ARHGAP19: variants seen among roughly 807,000 people sequenced by gnomAD.
ARHGAP19 encodes the protein Rho GTPase activating protein 19.
Under a neutral mutation model 60.9 loss-of-function variants are expected in ARHGAP19, and 48 were observed. The observed-to-expected ratio is 0.79, with a 90% CI of 0.62 to 1.00. The LOEUF (loss-of-function observed/expected upper bound fraction) is 1.00, where lower values mean the gene tolerates loss of function less well. Among genes scored for constraint, ARHGAP19 ranks in the 50% least tolerant of loss-of-function variants. ARHGAP19 has a pLI of 0.00. For synonymous variants in ARHGAP19, 209 were observed against 215.5 expected (o/e 0.97, Z 0.27); for missense variants, 562 against 597.2 (o/e 0.94, Z 0.61).
intron 1 of ARHGAP19, among the ~76,000 whole-genome samples, chr10:97,283,651 A>G (rs543417428): frequency 3.9e-5 from 6 of 152,158 alleles, no homozygotes; most frequent in African/African-American, 1.4e-4. Flanking sequence ...ACCAAGATAG[A>G]AATCAGATCT....
rs572526707 is a variant in ARHGAP19 at position 97,290,514 on chromosome 10, A to G, written c.56+2058T>C. 9.9e-5 allele frequency among the ~76,000 whole-genome samples: 15 copies of G among 152,244 alleles called. No individual in the cohort carries two copies. In the East Asian group the frequency reaches 2.7e-3, roughly 27 times the overall value. On this transcript the variant is annotated intron_variant, in intron 1 of 11. Coordinates refer to ENST00000358531, the MANE Select transcript of ARHGAP19 (RefSeq NM_032900.6). ...CATGGCCCAAGATTCCATTCCTTGGAATCGGTGAGGCTGAGAACCCCAGGT... is the reference window on the plus strand; with the variant it reads ...CATGGCCCAAGATTCCATTCCTTGGGATCGGTGAGGCTGAGAACCCCAGGT...
At chr10:97,233,959 G>C (rs935479763) in intron 9 of ARHGAP19, among the ~76,000 whole-genome samples, 4 of 147,978 alleles carry the variant, frequency 2.7e-5, no homozygotes, top group African/African-American at 9.9e-5. Context: ...GGAGTGGGGG[G>C]AAGGAGAGTA....
At chr10:97,229,735 G>C in intron 10 of ARHGAP19, 29 bp downstream of exon 10, 1 of 1,476,106 alleles carries the variant, frequency 6.8e-7, no homozygotes, top group South Asian at 1.2e-5. Context: ...TATACAGACA[G>C]ACAGACAGTC....
chr10:97,239,553 TGTGTGTG>T (rs1564713524), intron 8 of ARHGAP19, among the ~76,000 whole-genome samples: 97 of 10,298 alleles, frequency 9.4e-3, no homozygotes, highest in African/African-American at 0.012. Context: ...AGAGAGAGGG[TGTGTGTG>T]TGTGTGTGTG....
intron 10 of ARHGAP19, 129 bp from the exon 11 acceptor site, chr10:97,229,354 C>T (rs1850960584): frequency 7.8e-6 from 6 of 768,212 alleles, no homozygotes; most frequent in Non-Finnish European, 1.3e-5. Context: ...GTATTTATAT[C>T]TCATTAATCT....
In ARHGAP19 at chr10:97,259,603, T is replaced by C. The variant is rs144693656; in HGVS notation, c.639A>G (p.Gly213=). ...IADLMQFDDK[G]NKTNIPDKDR... is the part of the protein sequence containing the mutation. ...CCTTGTCTGGTATATTGGTCTTGTTTCCTTTATCATCAAACTGCATCAAAT... is the reference window on the plus strand; with the variant it reads ...CCTTGTCTGGTATATTGGTCTTGTTCCCTTTATCATCAAACTGCATCAAAT... Residue 213 remains glycine, a synonymous_variant, in exon 5 of 12, where the codon GGA becomes GGG. Coordinates refer to ENST00000358531, the MANE Select transcript of ARHGAP19 (RefSeq NM_032900.6). The C allele has an allele frequency of 3.3e-5, 54 of 1,614,148 alleles. No individual in the cohort carries two copies. In the African/African-American group the frequency reaches 5.2e-4, roughly 16 times the overall value.
chr10:97,265,942 C>T lies in ARHGAP19; in HGVS notation c.240G>A (p.Met80Ile). The change falls in exon 2 of 12, where the codon ATG becomes ATA. Residue 80 changes from methionine (M) to isoleucine (I), a missense_variant. Physicochemically the swap from Met to Ile is conservative, Grantham distance 10. Transcript: ENST00000358531. ...CAGGCAACTTAAGGTCCACTTCCCC[C>T]ATCAGCTGAGCCAACTCAGTTCCAG... Reference protein sequence around the residue: ...DLPGTELAQLMGEVDLKLPGG... With the variant: ...DLPGTELAQLIGEVDLKLPGG... The T allele has an allele frequency of 6.2e-7, 1 of 1,614,162 alleles. No individual in the cohort carries two copies. The highest frequency in any genetic ancestry group is 8.5e-7 in the Non-Finnish European group (1 of 1,180,028).
At chr10:97,279,295 C>G (rs1843055084) in intron 1 of ARHGAP19, among the ~76,000 whole-genome samples, 2 of 152,048 alleles carry the variant, frequency 1.3e-5, no homozygotes, top group Admixed American at 6.6e-5. Context: ...GGAACGATAT[C>G]CAATTTCTTA....
chr10:97,283,168 C>G (rs546319086), intron 1 of ARHGAP19, among the ~76,000 whole-genome samples: 42 of 152,202 alleles, frequency 2.8e-4, no homozygotes, highest in Admixed American at 2.2e-3. Context: ...TATGGCCTAG[C>G]TGAATTTAGT....
chr10:97,233,353 A>AAAATAAAT (rs34652151), intron 9 of ARHGAP19, among the ~76,000 whole-genome samples: 20 of 150,328 alleles, frequency 1.3e-4, no homozygotes, highest in East Asian at 3.9e-4. Flanking sequence ...CCCTGTCTCA[A>AAAATAAAT]AAATAAATAA....
chr10:97,226,552 A>G (rs1202254491), intron 11 of ARHGAP19, among the ~76,000 whole-genome samples: 1 of 152,124 alleles, frequency 6.6e-6, no homozygotes. Context: ...TCATGCTCCT[A>G]CCACCACCGC....
chr10:97,246,189 A>T, intron 7 of ARHGAP19, 83 bp downstream of exon 7: 1 of 1,131,974 alleles, frequency 8.8e-7, no homozygotes, highest in Non-Finnish European at 1.3e-6. Flanking sequence ...CCATGCTTTT[A>T]CTTTGACTTC....
chr10:97,235,434 G>T (rs1851112962), intron 8 of ARHGAP19, 119 bp from the exon 9 acceptor site: 1 of 797,640 alleles, frequency 1.3e-6, no homozygotes, highest in Non-Finnish European at 1.9e-6. Flanking sequence ...GCGCATAGAT[G>T]GATTAGGAGG....
rs1842528823 is a variant in ARHGAP19 at position 97,244,113 on chromosome 10, AG to A, written c.1039del (p.Leu347TrpfsTer10). On this transcript the variant is annotated frameshift_variant, in exon 8 of 12. Transcript: ENST00000358531. LOFTEE classifies it high-confidence loss of function. ...IASCHTKSFQ[L>X]AKSQKRNRVD... is the part of the protein sequence containing the mutation. ...CCGGTTCCGTTTCTGAGACTTTGCC[AG>A]CTGAAAGGACTTAGTATGACATGAA... The A allele has an allele frequency of 1.9e-6, 3 of 1,614,082 alleles. No individual in the cohort carries two copies. The East Asian group carries it at 6.7e-5, about 36-fold the overall frequency.
chr10:97,264,288 C>A (rs572774910), intron 3 of ARHGAP19, among the ~76,000 whole-genome samples: 2 of 152,094 alleles, frequency 1.3e-5, no homozygotes, highest in Non-Finnish European at 2.9e-5. Context: ...CCCATCTCTA[C>A]AAAAAACTAC....
In ARHGAP19 at chr10:97,229,269, A is replaced by C. The variant is rs201909455; in HGVS notation, c.1396-44T>G. 2.0e-4 allele frequency: 285 copies of C among 1,442,508 alleles called. No homozygotes were observed. The African/African-American group carries it at 3.4e-3, about 17-fold the overall frequency. 89.4% of individuals were successfully genotyped at this position (1,442,508 alleles called of 1,614,324 possible). A position where few individuals can be genotyped will look rare whatever the true frequency, so the allele number is the denominator to read the frequency against. ...ACAGTGGTTTCAATGTTCTAATGCC[A>C]TTCCTATAGACAGACTTTACTAACA... On this transcript the variant is annotated intron_variant, in intron 10 of 11. Coordinates refer to ENST00000358531, the MANE Select transcript of ARHGAP19 (RefSeq NM_032900.6).
intron 1 of ARHGAP19, among the ~76,000 whole-genome samples, chr10:97,278,474 G>A (rs992289540): frequency 3.3e-5 from 5 of 152,122 alleles, no homozygotes; most frequent in African/African-American, 1.2e-4. Context: ...TTTAAAGCCT[G>A]AAAGCTGCAT....
Position 97,292,588 on chromosome 10 carries a change from G to T in ARHGAP19, c.40C>A (p.Arg14Ser), listed in dbSNP as rs1012364872. 3.1e-6 allele frequency: 5 copies of T among 1,614,026 alleles called. No individual in the cohort carries two copies. The highest frequency in any genetic ancestry group is 4.2e-6 in the Non-Finnish European group (5 of 1,180,034). Reference protein sequence around the residue: ...EAQSEGEVPARESGRSDAICS... With the variant: ...EAQSEGEVPASESGRSDAICS... ...TCAGCTCACCTCCGGCCGGATTCGC[G>T]GGCTGGCACCTCCCCTTCACTCTGT... The change falls in exon 1 of 12, where the codon CGC becomes AGC. Residue 14 changes from arginine (R) to serine (S), a missense_variant. Coordinates refer to ENST00000358531, the MANE Select transcript of ARHGAP19 (RefSeq NM_032900.6).
At chr10:97,256,448 G>T in intron 5 of ARHGAP19, 44 bp from the exon 6 acceptor site, 2 of 1,377,444 alleles carry the variant, frequency 1.5e-6, no homozygotes, top group Non-Finnish European at 2.1e-6. Context: ...TTAAGAGCTA[G>T]AAAGTAGTAC....
Sources: gnomAD v4.1 joint callset for allele counts (sites outside exome capture counted in the v4.1 genomes callset) on GRCh38, gnomAD v4.1.1 for gene constraint, MANE v1.5 for transcripts, NCBI Gene and HGNC (gene_info 2026-07-23, HGNC 2026-07-21) for gene names.